EPHA6: variants seen among roughly 807,000 people sequenced by gnomAD.
EPHA6 encodes ephrin type-A receptor 6.
Under a neutral mutation model 112.0 loss-of-function variants are expected in EPHA6, and 50 were observed. The ratio of observed to expected loss-of-function variants is 0.45; its 90% CI spans 0.36 to 0.56. The LOEUF is 0.56. Among genes scored for constraint, EPHA6 ranks in the 20% least tolerant of loss-of-function variants. The probability of loss-of-function intolerance (pLI) is 0.00; values close to 1 mark genes in which losing one functional copy is unlikely to be tolerated. For missense variants in EPHA6, 1,280 were observed against 1,417.4 expected (o/e 0.90, Z 1.56); for synonymous variants, 529 against 490.7 (o/e 1.08, Z -1.03).
rs1323949429 is a variant in EPHA6 at position 97,585,928 on chromosome 3, A to G, written c.2387-6684A>G. Among the ~76,000 whole-genome samples the G allele has an allele frequency of 2.0e-5, 3 of 152,238 alleles. No individual in the cohort carries two copies. In the East Asian group the frequency reaches 5.8e-4, roughly 29 times the overall value. ...ATTTATGGAATAAATTAAGTCAGTGAATGGATAAAAGCATAAATTAGTAAG... is the reference window on the plus strand; with the variant it reads ...ATTTATGGAATAAATTAAGTCAGTGGATGGATAAAAGCATAAATTAGTAAG... On this transcript the variant is annotated intron_variant, in intron 11 of 17. Transcript: ENST00000389672.
chr3:97,635,846 T>A (rs2093940300), intron 13 of EPHA6, among the ~76,000 whole-genome samples: 1 of 152,144 alleles, frequency 6.6e-6, no homozygotes, highest in Admixed American at 6.5e-5. Flanking sequence ...ATTGGTGCTT[T>A]GTGACACACT....
intron 3 of EPHA6, among the ~76,000 whole-genome samples, chr3:97,158,032 A>C (rs1187747661): frequency 6.6e-6 from 1 of 152,174 alleles, no homozygotes; most frequent in Non-Finnish European, 1.5e-5. Context: ...CCAAAAAAAG[A>C]CAATAACAAG....
intron 4 of EPHA6, among the ~76,000 whole-genome samples, chr3:97,242,158 A>G (rs533866439): frequency 1.3e-5 from 2 of 151,820 alleles, no homozygotes; most frequent in Admixed American, 1.3e-4. Context: ...TAGGTGATGT[A>G]CCTATAGGTA....
chr3:97,367,935 C>A (rs1206089923), intron 5 of EPHA6, among the ~76,000 whole-genome samples: 1 of 152,102 alleles, frequency 6.6e-6, no homozygotes, highest in Non-Finnish European at 1.5e-5. Flanking sequence ...TCTGTATAAC[C>A]ACAAGCTGAC....
At chr3:97,176,863 A>AT (rs144163889) in intron 3 of EPHA6, among the ~76,000 whole-genome samples, 1,535 of 143,006 alleles carry the variant, frequency 0.011, 37 homozygotes, top group African/African-American at 0.036. Context: ...GATCTTTTGT[A>AT]TTTTTTTTTC....
intron 10 of EPHA6, among the ~76,000 whole-genome samples, chr3:97,492,429 C>A (rs1418787029): frequency 6.6e-6 from 1 of 151,154 alleles, no homozygotes; most frequent in Non-Finnish European, 1.5e-5. Flanking sequence ...GTAATCCCAA[C>A]TACTCAGAAG....
intron 14 of EPHA6, among the ~76,000 whole-genome samples, chr3:97,647,412 A>T (rs1362725067): frequency 1.3e-5 from 2 of 152,094 alleles, no homozygotes; most frequent in African/African-American, 4.8e-5. Flanking sequence ...ACTAAAATAC[A>T]TCAAGCTTTT....
chr3:97,269,007 A>G (rs2079791915), intron 5 of EPHA6, among the ~76,000 whole-genome samples: 1 of 152,174 alleles, frequency 6.6e-6, no homozygotes, highest in Admixed American at 6.5e-5. Flanking sequence ...CCTTTAGGAT[A>G]TTATTGAAGC....
At chr3:96,893,540 A>T (rs1315845661) in intron 2 of EPHA6, among the ~76,000 whole-genome samples, 3 of 152,236 alleles carry the variant, frequency 2.0e-5, no homozygotes, top group Non-Finnish European at 2.9e-5. Context: ...GAAATTAATG[A>T]TGATTATTGC....
intron 2 of EPHA6, among the ~76,000 whole-genome samples, chr3:96,937,155 T>A (rs1465441991): frequency 6.6e-6 from 1 of 152,190 alleles, no homozygotes; most frequent in Admixed American, 6.5e-5. Flanking sequence ...AAATGGTATT[T>A]CTAGTTCTAG....
chr3:97,462,372 C>T (rs1455361356), intron 7 of EPHA6, among the ~76,000 whole-genome samples: 4 of 152,026 alleles, frequency 2.6e-5, no homozygotes, highest in Non-Finnish European at 4.4e-5. Flanking sequence ...AGCTGCTACT[C>T]CCCTACGTAA....
intron 5 of EPHA6, 149 bp downstream of exon 5, chr3:97,244,436 T>C: frequency 1.6e-6 from 1 of 644,254 alleles, no homozygotes; most frequent in Non-Finnish European, 2.6e-6. Flanking sequence ...TTCTTGTTCT[T>C]TCCTAAAACT....
At chr3:96,882,002 C>T (rs1251021454) in intron 2 of EPHA6, among the ~76,000 whole-genome samples, 2 of 152,162 alleles carry the variant, frequency 1.3e-5, no homozygotes, top group Non-Finnish European at 2.9e-5. Flanking sequence ...CGGGGTACAG[C>T]CTCCCTCTTG....
intron 3 of EPHA6, among the ~76,000 whole-genome samples, chr3:97,219,495 G>A (rs772237304): frequency 3.9e-5 from 6 of 152,130 alleles, no homozygotes; most frequent in Non-Finnish European, 2.9e-5. Context: ...AGCTGCCAAC[G>A]CTTGGGGATT....
chr3:96,856,776 CT>C (rs888058084), intron 1 of EPHA6, among the ~76,000 whole-genome samples: 3 of 152,064 alleles, frequency 2.0e-5, no homozygotes, highest in African/African-American at 7.2e-5. Context: ...ATTTAGTACT[CT>C]TTAAGAAATC....
At chr3:96,985,855 T>C (rs989387201) in intron 2 of EPHA6, among the ~76,000 whole-genome samples, 7 of 152,154 alleles carry the variant, frequency 4.6e-5, no homozygotes, top group Non-Finnish European at 5.9e-5. Flanking sequence ...TATACTATAC[T>C]AGTGAAACTC....
chr3:97,239,373 G>A (rs113403785), intron 4 of EPHA6, among the ~76,000 whole-genome samples: 1 of 151,672 alleles, frequency 6.6e-6, no homozygotes, highest in Non-Finnish European at 1.5e-5. Context: ...ACAACATGGG[G>A]GTTAGGGGCA....
At chr3:97,000,536 G>A (rs148328107) in intron 3 of EPHA6, among the ~76,000 whole-genome samples, 325 of 151,672 alleles carry the variant, frequency 2.1e-3, no homozygotes, top group African/African-American at 7.5e-3. Context: ...ACAAAATAAG[G>A]GAACTGTGCA....
chr3:97,011,706 T>C (rs1332066949), intron 3 of EPHA6, among the ~76,000 whole-genome samples: 1 of 152,212 alleles, frequency 6.6e-6, no homozygotes, highest in Non-Finnish European at 1.5e-5. Context: ...TGTGGGTATA[T>C]TGTGTGACAC....
Sources: gnomAD v4.1 joint callset for allele counts (sites outside exome capture counted in the v4.1 genomes callset) on GRCh38, gnomAD v4.1.1 for gene constraint, MANE v1.5 for transcripts, NCBI Gene and HGNC (gene_info 2026-07-23, HGNC 2026-07-21) for gene names.